MYH14: variants seen among roughly 807,000 people sequenced by gnomAD.
The protein encoded by MYH14 is myosin heavy chain 14, also known as myosin-14.
A neutral mutation model predicts 255.5 loss-of-function variants in MYH14; 123 were observed. The ratio of observed to expected loss-of-function variants is 0.48; its 90% CI spans 0.42 to 0.56. The LOEUF (loss-of-function observed/expected upper bound fraction) is 0.56. Among genes scored for constraint, MYH14 ranks in the 20% least tolerant of loss-of-function variants. The pLI is 0.00. For synonymous variants in MYH14, 1,095 were observed against 1,161.2 expected (o/e 0.94, Z 1.16); for missense variants, 2,423 against 2,802.3 (o/e 0.86, Z 3.06).
In MYH14 at chr19:50,309,739, G is replaced by A. The variant is rs1455018433; in HGVS notation, c.6060G>A (p.Gly2020=). Residue 2020 remains glycine, a synonymous_variant, in exon 43 of 43, where the codon GGG becomes GGA. Transcript: ENST00000642316. ...AGGAGGCAGAGGAAGCACAGCCTGG[G>A]TCTGGGCCATCCCCGGAGCCTGAGG... ...SDEEAEEAQP[G]SGPSPEPEGS... 1 of 1,596,668 alleles carries A rather than the reference G, an allele frequency of 6.3e-7. No homozygotes were observed. The highest frequency in any genetic ancestry group is 2.3e-5 in the East Asian group (1 of 43,848).
intron 21 of MYH14, 24 bp from the exon 22 acceptor site, chr19:50,263,288 C>T: frequency 2.7e-6 from 4 of 1,483,914 alleles, no homozygotes; most frequent in Non-Finnish European, 2.7e-6. Context: ...TCCCACTCTG[C>T]CCCTCACCCA....
chr19:50,208,276 A>G (rs915562047), intron 1 of MYH14, among the ~76,000 whole-genome samples: 5 of 152,174 alleles, frequency 3.3e-5, no homozygotes, highest in Non-Finnish European at 5.9e-5. Flanking sequence ...TTAGCCAGGC[A>G]TAGAGGCATG....
chr19:50,238,416 A>C (rs1239102876), intron 10 of MYH14, among the ~76,000 whole-genome samples: 1 of 152,180 alleles, frequency 6.6e-6, no homozygotes, highest in Admixed American at 6.6e-5. Flanking sequence ...GTGGGTCTGT[A>C]AGGATGTGTC....
intron 3 of MYH14, among the ~76,000 whole-genome samples, chr19:50,220,366 TTTA>T (rs1311289712): frequency 4.6e-5 from 2 of 43,050 alleles, no homozygotes; most frequent in East Asian, 2.0e-3. Context: ...TTTATTATAC[TTTA>T]TTTTTATTAT....
chr19:50,251,565 C>CATATATATATAT (rs1568500688), intron 15 of MYH14, among the ~76,000 whole-genome samples: 122 of 111,504 alleles, frequency 1.1e-3, no homozygotes, highest in African/African-American at 4.1e-3. Context: ...CACACACACA[C>CATATATATATAT]ACACATATAT....
intron 1 of MYH14, among the ~76,000 whole-genome samples, chr19:50,208,431 CAAACAAACA>C (rs2031954888): frequency 1.5e-5 from 2 of 131,806 alleles, no homozygotes; most frequent in African/African-American, 7.1e-5. Context: ...CAAAAACAAA[CAAACAAACA>C]AACAAACAAA....
intron 1 of MYH14, chr19:50,205,550 C>T (rs1233400737): frequency 1.3e-5 from 2 of 152,344 alleles, no homozygotes; most frequent in Non-Finnish European, 2.9e-5. Flanking sequence ...GGTCGGCGCC[C>T]CCAGGTAGCC....
At chr19:50,262,502 C>T (rs1264651127) in intron 21 of MYH14, among the ~76,000 whole-genome samples, 9 of 151,000 alleles carry the variant, frequency 6.0e-5, no homozygotes, top group Non-Finnish European at 1.0e-4. Flanking sequence ...CATGTCACTG[C>T]ACTCCAGCCT....
At chr19:50,223,426 T>G in intron 5 of MYH14, 77 bp downstream of exon 5, 1 of 1,019,130 alleles carries the variant, frequency 9.8e-7, no homozygotes, top group South Asian at 1.4e-5. Context: ...TCCCCACAAT[T>G]GTCTCTTCCC....
chr19:50,292,301 G>A lies in MYH14; in HGVS notation c.5168G>A (p.Arg1723His), dbSNP rs200923933. The part of the protein sequence containing the change: ...KELWREVEET[R>H]TSREEIFSQN... ...CTATGGCGGGAGGTGGAGGAGACAC[G>A]CACCTCCCGGGAGGAGATCTTCTCC... Residue 1723 changes from arginine to histidine, a missense_variant, in exon 37 of 43, where the codon CGC becomes CAC. Physicochemically the swap from Arg to His is conservative, Grantham distance 29. Transcript: ENST00000642316. The A allele has an allele frequency of 6.0e-5, 96 of 1,598,326 alleles. No individual in the cohort carries two copies. Among genetic ancestry groups the A allele is most frequent in the Non-Finnish European group, 7.6e-5 (89 of 1,173,084 alleles).
At position 50,289,628 on chromosome 19, in the gene MYH14, C is replaced by G. The variant is rs1249048707; in HGVS notation, c.4945C>G (p.Arg1649Gly). 1.2e-6 allele frequency: 2 copies of G among 1,609,914 alleles called. No homozygotes were observed. Among genetic ancestry groups the G allele is most frequent in the Non-Finnish European group, 1.7e-6 (2 of 1,178,714 alleles). ...QGRDEAGEER[R>G]RQLAKQLRDA... ...CCGTGATGAGGCTGGTGAAGAGAGG[C>G]GGAGGCAGCTGGCCAAGCAGGTATT... Residue 1649 changes from arginine to glycine, a missense_variant, in exon 35 of 43, where the codon CGG becomes GGG. By Grantham distance (125) the Arg-to-Gly change is moderately radical (BLOSUM62 -2). Transcript: ENST00000642316.
At position 50,276,495 on chromosome 19, in the gene MYH14, G is replaced by T. The variant is rs2035513897; in HGVS notation, c.3681-262G>T. On this transcript the variant is annotated intron_variant, in intron 28 of 42. Coordinates refer to ENST00000642316, the MANE Select transcript of MYH14 (RefSeq NM_001145809.2). This position sits in a 1 kb window ranked among gnomAD's most constrained non-coding sequence, Gnocchi z 4.3. ...CGGGGCACTGTGGGTGATAAGTGAAGACCCCTAAACCAAGTCTATGGGAGA... is the reference window on the plus strand; with the variant it reads ...CGGGGCACTGTGGGTGATAAGTGAATACCCCTAAACCAAGTCTATGGGAGA... Among the ~76,000 whole-genome samples the T allele has an allele frequency of 6.6e-6, 1 of 152,086 alleles. No homozygotes were observed. Among genetic ancestry groups the T allele is most frequent in the African/African-American group, 2.4e-5 (1 of 41,398 alleles).
chr19:50,204,764 G>A (rs56169932), intron 1 of MYH14, among the ~76,000 whole-genome samples: 8,704 of 152,090 alleles, frequency 0.057, 664 homozygotes, highest in East Asian at 0.25. Context: ...GCGTGGTGGC[G>A]TGACCCTGCT....
At chr19:50,218,079 C>T (rs1372248244) in intron 3 of MYH14, among the ~76,000 whole-genome samples, 1 of 152,014 alleles carries the variant, frequency 6.6e-6, no homozygotes, top group Admixed American at 6.5e-5. Flanking sequence ...TCACTGCAAC[C>T]TCTGCCTCCT....
At chr19:50,301,961 A>G (rs1304368487) in intron 40 of MYH14, 92 bp downstream of exon 40, 3 of 1,045,232 alleles carry the variant, frequency 2.9e-6, no homozygotes, top group Non-Finnish European at 4.3e-6. Context: ...GTGGTTTAGA[A>G]ACATCCAAAA....
chr19:50,207,281 G>GAGAC (rs2031844108), intron 1 of MYH14, among the ~76,000 whole-genome samples: 1 of 144,468 alleles, frequency 6.9e-6, no homozygotes, highest in African/African-American at 2.6e-5. Flanking sequence ...CAGAGAGAGA[G>GAGAC]AGAGAGAGAG....
At chr19:50,274,482 A>G (rs893857326) in intron 27 of MYH14, among the ~76,000 whole-genome samples, 3 of 152,128 alleles carry the variant, frequency 2.0e-5, no homozygotes. Context: ...TTTAGCAGAG[A>G]CGGGGTTTCA....
chr19:50,249,812 A>C lies in MYH14; in HGVS notation c.1645A>C (p.Ile549Leu), dbSNP rs1369840161. The C allele has an allele frequency of 6.2e-7, 1 of 1,613,950 alleles. No homozygotes were observed. The highest frequency in any genetic ancestry group is 1.3e-5 in the African/African-American group (1 of 74,890). ...GLDLQPCIDL[I>L]ERPANPPGLL... is the part of the protein sequence containing the mutation. ...CGACCTGCAGCCCTGCATCGACCTC[A>C]TCGAGCGGCCGGTGAGCCCCAGGCC... Residue 549 changes from isoleucine (I) to leucine (L), a missense_variant, in exon 14 of 43, where the codon ATC (isoleucine) becomes CTC (leucine). By Grantham distance (5) the Ile-to-Leu change is conservative (BLOSUM62 2). Coordinates refer to ENST00000642316, the MANE Select transcript of MYH14 (RefSeq NM_001145809.2).
intron 42 of MYH14, 109 bp downstream of exon 42, chr19:50,309,286 C>CG: frequency 8.8e-7 from 1 of 1,133,522 alleles, no homozygotes; most frequent in Admixed American, 1.8e-5. Context: ...ATGGGATCCA[C>CG]GGGGGTGTGG....
Sources: gnomAD v4.1 joint callset for allele counts (sites outside exome capture counted in the v4.1 genomes callset) on GRCh38, gnomAD v4.1.1 for gene constraint, Gnocchi (gnomAD v3.1) non-coding constraint, MANE v1.5 for transcripts, NCBI Gene and HGNC (gene_info 2026-07-23, HGNC 2026-07-21) for gene names.